PIP4P2: variants seen among roughly 807,000 people sequenced by gnomAD.
PIP4P2 encodes the protein type 2 phosphatidylinositol 4,5-bisphosphate 4-phosphatase.
PIP4P2 carries 19 observed loss-of-function variants against 33.3 expected under a neutral mutation model. The ratio of observed to expected loss-of-function variants is 0.57; its 90% CI spans 0.40 to 0.84. The LOEUF (loss-of-function observed/expected upper bound fraction) is 0.84. Among genes scored for constraint, PIP4P2 ranks in the 40% least tolerant of loss-of-function variants. The pLI is 0.00. For missense variants in PIP4P2, 270 were observed against 324.7 expected (o/e 0.83, Z 1.29); for synonymous variants, 110 against 111.9 (o/e 0.98, Z 0.11).
At chr8:91,009,258 C>A (rs909173348) in intron 4 of PIP4P2, among the ~76,000 whole-genome samples, 1 of 151,932 alleles carries the variant, frequency 6.6e-6, no homozygotes, top group African/African-American at 2.4e-5. Context: ...ACTAAAAAGT[C>A]GGGAACTGTT....
intron 1 of PIP4P2, among the ~76,000 whole-genome samples, chr8:91,024,845 C>T (rs769863547): frequency 6.6e-5 from 10 of 151,992 alleles, no homozygotes; most frequent in Non-Finnish European, 1.0e-4. Flanking sequence ...TAAAAAAAAA[C>T]TCCCTCAAAG....
At chr8:91,035,740 G>T (rs944508452) in intron 1 of PIP4P2, among the ~76,000 whole-genome samples, 1 of 152,148 alleles carries the variant, frequency 6.6e-6, no homozygotes, top group Non-Finnish European at 1.5e-5. Context: ...AGAACTGGAG[G>T]TCGCTGGGCC....
chr8:91,008,809 A>T lies in PIP4P2; in HGVS notation c.487-14T>A, dbSNP rs758753436. 1 of 1,585,296 alleles carries T rather than the reference A, an allele frequency of 6.3e-7. No homozygotes were observed. Reference sequence around the variant, plus strand: ...CAGTTCCATCCACTGTAAAATAAACAAAGAGAGGAATTGAAAAGAAAACAA... The same window carrying T: ...CAGTTCCATCCACTGTAAAATAAACTAAGAGAGGAATTGAAAAGAAAACAA... On this transcript the variant is annotated splice_polypyrimidine_tract_variant and intron_variant, in intron 4 of 6. Transcript: ENST00000285419.
In PIP4P2 at chr8:91,021,258, T is replaced by C. The variant is rs546524929; in HGVS notation, c.253A>G (p.Thr85Ala). 1.2e-6 allele frequency: 2 copies of C among 1,613,464 alleles called. No individual in the cohort carries two copies. Among genetic ancestry groups the C allele is most frequent in the East Asian group, 2.2e-5 (1 of 44,876 alleles). The change falls in exon 2 of 7, where the codon ACG (threonine) becomes GCG (alanine). Residue 85 changes from threonine to alanine, a missense_variant and splice_region_variant. Thr to Ala is a moderately conservative substitution (Grantham distance 58). Transcript: ENST00000285419. ...VVKCTVCNEA[T>A]PIKNPPTGKK... ...TTCTAATGGAAATCTCCACTTACCG[T>C]AGCTTCATTGCAAACTGTGCACTTA...
chr8:91,025,607 C>T (rs1171919129), intron 1 of PIP4P2, among the ~76,000 whole-genome samples: 4 of 152,162 alleles, frequency 2.6e-5, no homozygotes, highest in Non-Finnish European at 5.9e-5. Flanking sequence ...CATTAGCATC[C>T]TCTATATGCA....
chr8:91,037,524 A>G (rs2130385793), intron 1 of PIP4P2, among the ~76,000 whole-genome samples: 1 of 152,256 alleles, frequency 6.6e-6, no homozygotes, highest in East Asian at 1.9e-4. Context: ...TGTCTTCATC[A>G]CCATTGCATT....
intron 5 of PIP4P2, among the ~76,000 whole-genome samples, chr8:90,999,445 C>T (rs191003879): frequency 1.1e-4 from 16 of 152,188 alleles, no homozygotes; most frequent in Admixed American, 2.6e-4. Flanking sequence ...TAACAACATT[C>T]CTGCCAGTTG....
At chr8:91,023,297 C>A (rs35972814) in intron 1 of PIP4P2, among the ~76,000 whole-genome samples, 1 of 151,606 alleles carries the variant, frequency 6.6e-6, no homozygotes, top group Non-Finnish European at 1.5e-5. Flanking sequence ...CTCGTAATCC[C>A]AGGTCTCTAT....
chr8:91,013,231 AAT>A (rs1225012497), intron 4 of PIP4P2, among the ~76,000 whole-genome samples: 1 of 152,160 alleles, frequency 6.6e-6, no homozygotes, highest in East Asian at 1.9e-4. Context: ...ACACACACTC[AAT>A]ATATATAATT....
intron 5 of PIP4P2, among the ~76,000 whole-genome samples, chr8:91,006,776 C>G (rs1313658958): frequency 6.6e-6 from 1 of 152,100 alleles, no homozygotes; most frequent in Non-Finnish European, 1.5e-5. Flanking sequence ...CGAGACCAGC[C>G]TGGCCAAAAT....
chr8:91,019,417 A>AG (rs1424385292), intron 3 of PIP4P2, among the ~76,000 whole-genome samples: 2 of 146,308 alleles, frequency 1.4e-5, no homozygotes, highest in African/African-American at 5.0e-5. Context: ...AAAAAAAAAA[A>AG]AAAAAAATAT....
intron 2 of PIP4P2, among the ~76,000 whole-genome samples, chr8:91,020,686 T>A (rs930588084): frequency 3.3e-5 from 5 of 152,238 alleles, no homozygotes; most frequent in African/African-American, 1.2e-4. Flanking sequence ...GCTCAATTTT[T>A]AAAAAAGGAA....
chr8:91,001,362 T>C (rs1369904693), intron 5 of PIP4P2, among the ~76,000 whole-genome samples: 2 of 152,146 alleles, frequency 1.3e-5, no homozygotes, highest in South Asian at 4.1e-4. Flanking sequence ...TAAGGATCCT[T>C]TTATAACCAC....
At chr8:91,030,044 A>G (rs1308780076) in intron 1 of PIP4P2, among the ~76,000 whole-genome samples, 1 of 152,158 alleles carries the variant, frequency 6.6e-6, no homozygotes, top group African/African-American at 2.4e-5. Flanking sequence ...TATTCCAGCA[A>G]CAGAAATTAG....
At chr8:91,030,185 G>C (rs1812143483) in intron 1 of PIP4P2, among the ~76,000 whole-genome samples, 1 of 142,168 alleles carries the variant, frequency 7.0e-6, no homozygotes, top group South Asian at 2.2e-4. Context: ...TTGCACAACA[G>C]ACTGGGCGAC....
In PIP4P2 at chr8:90,996,252, G is replaced by A. The variant is rs560279160; in HGVS notation, c.630+402C>T. Among the ~76,000 whole-genome samples the A allele has an allele frequency of 1.1e-4, 17 of 152,136 alleles. No individual in the cohort carries two copies. The South Asian group carries it at 3.3e-3, about 30-fold the overall frequency. On this transcript the variant is annotated intron_variant, in intron 6 of 6. Transcript: ENST00000285419. ...CTAAAAACAAGCCATCCTCATATTG[G>A]TAATAAATCTCTGCTTGATTTGGAT...
intron 1 of PIP4P2, among the ~76,000 whole-genome samples, chr8:91,035,742 C>T (rs766779567): frequency 3.9e-5 from 6 of 152,072 alleles, no homozygotes; most frequent in Non-Finnish European, 7.4e-5. Context: ...AACTGGAGGT[C>T]GCTGGGCCTG....
At chr8:91,019,410 AAAAAAAAAAAAAAAT>A (rs1811968229) in intron 3 of PIP4P2, among the ~76,000 whole-genome samples, 3 of 142,554 alleles carry the variant, frequency 2.1e-5, no homozygotes, top group South Asian at 2.3e-4. Context: ...AAAAAAAAAA[AAAAAAAAAAAAAAAT>A]ATATTACCTG....
chr8:91,006,419 G>A (rs950293367), intron 5 of PIP4P2, among the ~76,000 whole-genome samples: 27 of 152,248 alleles, frequency 1.8e-4, no homozygotes, highest in African/African-American at 6.3e-4. Flanking sequence ...ACACTGTCTT[G>A]TGATATTTTA....
Sources: allele counts gnomAD v4.1 joint callset (sites outside exome capture counted in the v4.1 genomes callset), GRCh38; gene constraint gnomAD v4.1.1; transcripts MANE v1.5; gene names NCBI Gene and HGNC (gene_info 2026-07-23, HGNC 2026-07-21).